BLOC1S5: variants seen among roughly 807,000 people sequenced by gnomAD.
BLOC1S5 encodes biogenesis of lysosome-related organelles complex 1 subunit 5.
A neutral mutation model predicts 24.3 loss-of-function variants in BLOC1S5; 27 were observed. The observed-to-expected ratio is 1.11, with a 90% CI of 0.82 to 1.53. The LOEUF is 1.53. Ranked by LOEUF, BLOC1S5 falls within the 40% of genes most tolerant of loss-of-function variation. The pLI is 0.00. For synonymous variants in BLOC1S5, 84 were observed against 74.5 expected, an observed-to-expected ratio of 1.13 and a Z score of -0.66; for missense variants, 239 against 229.4, an observed-to-expected ratio of 1.04 and a Z score of -0.27.
intron 2 of BLOC1S5, among the ~76,000 whole-genome samples, chr6:8,049,363 C>T (rs1764025493): frequency 7.9e-6 from 1 of 127,338 alleles, no homozygotes; most frequent in Admixed American, 8.0e-5. Flanking sequence ...AAGAGCAAGA[C>T]TTCGTCTCAA....
intron 4 of BLOC1S5, among the ~76,000 whole-genome samples, chr6:8,021,029 G>A (rs1039268095): frequency 1.3e-5 from 2 of 152,084 alleles, no homozygotes; most frequent in Non-Finnish European, 2.9e-5. Context: ...CAGATAAACA[G>A]AATACAGTCT....
chr6:8,015,561 A>G lies in BLOC1S5; in HGVS notation c.*88T>C. On this transcript the variant is annotated 3_prime_UTR_variant, in exon 5 of 5. Coordinates refer to ENST00000397457, the MANE Select transcript of BLOC1S5 (RefSeq NM_201280.3). ...CCACTGAATATATTGCTAAGCTTGA[A>G]GCAGAGGCTAAACGGTCTGGTGGGA... The G allele has an allele frequency of 7.6e-7, 1 of 1,317,216 alleles. No homozygotes were observed. Among genetic ancestry groups the G allele is most frequent in the South Asian group, 1.5e-5 (1 of 67,164 alleles). 81.6% of individuals were successfully genotyped at this position (1,317,216 alleles called of 1,614,324 possible). A position where few individuals can be genotyped will look rare whatever the true frequency, so the allele number is the denominator to read the frequency against.
chr6:8,026,602 CA>C (rs1561857172), intron 3 of BLOC1S5, among the ~76,000 whole-genome samples, 177 bp from the exon 4 acceptor site: 1 of 152,062 alleles, frequency 6.6e-6, no homozygotes. Flanking sequence ...TAAGTTTTGC[CA>C]ATATATTCAG....
chr6:8,035,379 G>T (rs1763453432), intron 3 of BLOC1S5, among the ~76,000 whole-genome samples: 1 of 150,282 alleles, frequency 6.7e-6, no homozygotes, highest in Admixed American at 6.6e-5. Flanking sequence ...GCATAGAGTG[G>T]CTGAATAAAT....
At chr6:8,052,410 A>G (rs1764144873) in intron 2 of BLOC1S5, among the ~76,000 whole-genome samples, 1 of 152,210 alleles carries the variant, frequency 6.6e-6, no homozygotes, top group Non-Finnish European at 1.5e-5. Context: ...GACCTTCTGG[A>G]AAGGATTCAC....
In BLOC1S5 at chr6:8,041,245, C is replaced by T; in HGVS notation, c.219G>A (p.Met73Ile). ...TGTTCTTCAAATTTTCAAGAACTCG[C>T]ATTTCTCGAAGACCACGTTTTTCCT... ...EFEEKRGLRE[M>I]RVLENLKNMI... The change falls in exon 3 of 5, where the codon ATG (methionine) becomes ATA (isoleucine). Residue 73 changes from methionine (M) to isoleucine (I), a missense_variant. Met to Ile is a conservative substitution (Grantham distance 10). Transcript: ENST00000397457. The T allele has an allele frequency of 6.2e-7, 1 of 1,610,106 alleles. No homozygotes were observed. The highest frequency in any genetic ancestry group is 1.1e-5 in the South Asian group (1 of 90,610).
chr6:8,062,922 T>A (rs895062597), intron 1 of BLOC1S5, among the ~76,000 whole-genome samples: 1 of 152,070 alleles, frequency 6.6e-6, no homozygotes, highest in African/African-American at 2.4e-5. Context: ...ACAGCATAGG[T>A]GTAATATCAA....
At chr6:8,041,751 A>G (rs1763699676) in intron 2 of BLOC1S5, 1 of 147,644 alleles carries the variant, frequency 6.8e-6, no homozygotes, top group African/African-American at 2.5e-5. Context: ...GGTTCCCGTC[A>G]TTCTCCTGCC....
rs143505201 is a variant in BLOC1S5, at chr6:8,033,305, C to T, written c.326-6880G>A. 9.8e-3 allele frequency among the ~76,000 whole-genome samples: 1,486 copies of T among 152,006 alleles called. 25 individuals are homozygous for T. Among genetic ancestry groups the T allele is most frequent in the African/African-American group, 0.034 (1,402 of 41,484 alleles). The stretch of plus-strand genomic sequence containing the variant: ...ATACAGACCAATGGAACAGGACAGA[C>T]GCCTCAGAAATAATGCCACACATCT... On this transcript the variant is annotated intron_variant, in intron 3 of 4. Coordinates refer to ENST00000397457, the MANE Select transcript of BLOC1S5 (RefSeq NM_201280.3).
intron 4 of BLOC1S5, among the ~76,000 whole-genome samples, chr6:8,021,038 C>T (rs1762898440): frequency 6.6e-6 from 1 of 152,118 alleles, no homozygotes; most frequent in African/African-American, 2.4e-5. Context: ...AGAATACAGT[C>T]TACACATACA....
At chr6:8,059,920 G>A (rs572476184) in intron 2 of BLOC1S5, among the ~76,000 whole-genome samples, 3 of 152,322 alleles carry the variant, frequency 2.0e-5, no homozygotes, top group African/African-American at 7.2e-5. Context: ...AGAACGAAGG[G>A]TGGGACTATG....
intron 2 of BLOC1S5, among the ~76,000 whole-genome samples, chr6:8,060,173 T>C (rs1170508935): frequency 1.3e-5 from 2 of 152,180 alleles, no homozygotes; most frequent in Non-Finnish European, 2.9e-5. Flanking sequence ...CTGGAGGTGA[T>C]ACTTAACCTG....
At chr6:8,026,313 T>C (rs1763101658) in intron 4 of BLOC1S5, 54 bp downstream of exon 4, 1 of 1,395,932 alleles carries the variant, frequency 7.2e-7, no homozygotes, top group African/African-American at 1.4e-5. Context: ...TTGCTAATAA[T>C]ATGATAATAA....
intron 3 of BLOC1S5, among the ~76,000 whole-genome samples, chr6:8,035,345 C>CCTTTT (rs1554138582): frequency 1.3e-5 from 1 of 75,600 alleles, no homozygotes; most frequent in Non-Finnish European, 2.8e-5. Flanking sequence ...GAATAAAAAT[C>CCTTTT]TTTTTTTTTT....
intron 2 of BLOC1S5, among the ~76,000 whole-genome samples, chr6:8,061,678 T>G (rs1764521109): frequency 6.6e-6 from 1 of 152,216 alleles, no homozygotes; most frequent in Non-Finnish European, 1.5e-5. Context: ...GACTGGTCAG[T>G]ATCATTTGCA....
chr6:8,022,546 T>C (rs1762947675), intron 4 of BLOC1S5, among the ~76,000 whole-genome samples: 1 of 151,684 alleles, frequency 6.6e-6, no homozygotes, highest in Non-Finnish European at 1.5e-5. Flanking sequence ...TGTACCTATA[T>C]GTTACTCTAT....
At chr6:8,024,094 G>A (rs963942804) in intron 4 of BLOC1S5, among the ~76,000 whole-genome samples, 1 of 152,060 alleles carries the variant, frequency 6.6e-6, no homozygotes, top group African/African-American at 2.4e-5. Context: ...ACAAATCTAA[G>A]TCTGCTTACA....
Position 8,052,547 on chromosome 6 carries a change from T to C in BLOC1S5, c.195+9987A>G, listed in dbSNP as rs554741969. On this transcript the variant is annotated intron_variant, in intron 2 of 4. Transcript: ENST00000397457. Reference sequence around the variant, plus strand: ...ACTTTGAGCAGTTCTAGACTTCAGCTGAGGAAGCCATTATAGATGGGGTGG... The same window carrying C: ...ACTTTGAGCAGTTCTAGACTTCAGCCGAGGAAGCCATTATAGATGGGGTGG... Among the ~76,000 whole-genome samples the C allele has an allele frequency of 3.3e-5, 5 of 152,196 alleles. No homozygotes were observed. In the South Asian group the frequency reaches 8.3e-4, roughly 25 times the overall value.
chr6:8,026,307 T>C lies in BLOC1S5; in HGVS notation c.384+60A>G, dbSNP rs1581400066. The C allele has an allele frequency of 2.9e-6, 4 of 1,362,032 alleles. No homozygotes were observed. The East Asian group carries it at 9.2e-5, about 31-fold the overall frequency. The allele number at this position is 1,362,032 out of a possible 1,614,324, so 84.4% of individuals were successfully genotyped here. A position where few individuals can be genotyped will look rare whatever the true frequency, so the allele number is the denominator to read the frequency against. On this transcript the variant is annotated intron_variant, in intron 4 of 4. Transcript: ENST00000397457. Reference sequence around the variant, plus strand: ...GAATTTTCTGATCAAAAGCAATTGCTAATAATATGATAATAAAGATGCAAG... The same window carrying C: ...GAATTTTCTGATCAAAAGCAATTGCCAATAATATGATAATAAAGATGCAAG...
Sources: allele counts gnomAD v4.1 joint callset (sites outside exome capture counted in the v4.1 genomes callset), GRCh38; gene constraint gnomAD v4.1.1; transcripts MANE v1.5; gene names NCBI Gene and HGNC (gene_info 2026-07-23, HGNC 2026-07-21).